ZSCAN30: variants seen among roughly 807,000 people sequenced by gnomAD.
The protein encoded by ZSCAN30 is zinc finger and SCAN domain containing 30.
Under a neutral mutation model 44.3 loss-of-function variants are expected in ZSCAN30, and 37 were observed. The ratio of observed to expected loss-of-function variants is 0.84; its 90% CI spans 0.64 to 1.10. The LOEUF is 1.10. Ranked by LOEUF, ZSCAN30 falls within the 50% of genes least tolerant of loss-of-function variation. ZSCAN30 has a pLI of 0.00. For missense variants in ZSCAN30, 549 were observed against 582.6 expected (o/e 0.94, Z 0.59); for synonymous variants, 181 against 204.6 (o/e 0.88, Z 0.98).
chr18:35,253,445 CAGAGTT>C lies in ZSCAN30; in HGVS notation c.1484_*4del, dbSNP rs1387603213. On this transcript the variant is annotated stop_lost and 3_prime_UTR_variant, in exon 4 of 4. Transcript: ENST00000333206. ...TTCACAATTGTACAACTCTTACCCA[CAGAGTT>C]AAACTCTGGTGTGTGTTCTCTGATG... is the stretch of plus-strand genomic sequence containing the variant. 4 of 1,551,862 alleles carry C rather than the reference CAGAGTT, an allele frequency of 2.6e-6. No individual in the cohort carries two copies. Among genetic ancestry groups the C allele is most frequent in the Non-Finnish European group, 3.5e-6 (4 of 1,148,208 alleles).
chr18:35,263,869 T>G, intron 2 of ZSCAN30, 76 bp downstream of exon 2: 8 of 1,519,814 alleles, frequency 5.3e-6, no homozygotes, highest in Non-Finnish European at 5.3e-6. Flanking sequence ...GAGAGCTGAG[T>G]CAATGCCCCA....
intron 1 of ZSCAN30, among the ~76,000 whole-genome samples, chr18:35,277,183 A>G (rs931748716): frequency 2.6e-5 from 4 of 152,236 alleles, no homozygotes; most frequent in African/African-American, 9.6e-5. Context: ...ATATCCAGGA[A>G]GTAACTAACT....
At chr18:35,257,904 C>A (rs757294046) in intron 3 of ZSCAN30, 1 of 781,072 alleles carries the variant, frequency 1.3e-6, no homozygotes, top group Non-Finnish European at 2.4e-6. Context: ...CCTTCCTAAT[C>A]CTGCTTCTCT....
intron 3 of ZSCAN30, chr18:35,258,291 G>A (rs1379198334): frequency 3.0e-6 from 1 of 329,836 alleles, no homozygotes; most frequent in Non-Finnish European, 5.7e-6. Flanking sequence ...CTAAGTCCAA[G>A]GACATTGGAG....
intron 1 of ZSCAN30, among the ~76,000 whole-genome samples, chr18:35,275,187 A>T (rs1865377): frequency 0.85 from 129,720 of 152,198 alleles, 56,040 homozygotes; most frequent in Non-Finnish European, 0.93. Context: ...TGTCCTTCTT[A>T]TCTATGCTGG....
At chr18:35,279,639 G>T (rs200589105) in intron 1 of ZSCAN30, among the ~76,000 whole-genome samples, 1 of 152,146 alleles carries the variant, frequency 6.6e-6, no homozygotes, top group East Asian at 1.9e-4. Context: ...GTCTGGAGAG[G>T]GTCTGCTTCC....
intron 1 of ZSCAN30, among the ~76,000 whole-genome samples, chr18:35,279,171 T>C (rs1294720757): frequency 6.6e-6 from 1 of 152,158 alleles, no homozygotes; most frequent in African/African-American, 2.4e-5. Context: ...CCACTTCTGG[T>C]ACCACAAACA....
rs2044631986 is a variant in ZSCAN30, at chr18:35,290,226, G to A, written c.-246C>T. The A allele has an allele frequency of 6.6e-6, 1 of 152,414 alleles. No homozygotes were observed. The highest frequency in any genetic ancestry group is 6.5e-5 in the Admixed American group (1 of 15,294). 9.4% of individuals were successfully genotyped at this position (152,414 alleles called of 1,614,324 possible). A position where few individuals can be genotyped will look rare whatever the true frequency, so the allele number is the denominator to read the frequency against. On this transcript the variant is annotated 5_prime_UTR_variant, in exon 1 of 4. Transcript: ENST00000333206. Reference sequence around the variant, plus strand: ...TAGGGACAGCTCGCGGCGGTTCGGGGGTTAATTCTCGGCAGCCCTCCGTCA... The same window carrying A: ...TAGGGACAGCTCGCGGCGGTTCGGGAGTTAATTCTCGGCAGCCCTCCGTCA...
chr18:35,272,488 GT>G (rs2044301193), intron 1 of ZSCAN30, among the ~76,000 whole-genome samples: 1 of 151,368 alleles, frequency 6.6e-6, no homozygotes, highest in Non-Finnish European at 1.5e-5. Flanking sequence ...TTACAGGTGT[GT>G]GTTACCACAC....
chr18:35,268,391 A>T (rs2044207264), intron 1 of ZSCAN30: 1 of 152,264 alleles, frequency 6.6e-6, no homozygotes, highest in Non-Finnish European at 1.5e-5. Context: ...GAATTTAGCA[A>T]AATGTAATAA....
At chr18:35,263,294 G>A in intron 3 of ZSCAN30, 1 of 514,856 alleles carries the variant, frequency 1.9e-6, no homozygotes, top group Non-Finnish European at 3.4e-6. Flanking sequence ...ATGGGTATTA[G>A]AGAATTTTAC....
intron 3 of ZSCAN30, chr18:35,258,544 G>A (rs974446899): frequency 6.5e-6 from 1 of 154,618 alleles, no homozygotes; most frequent in African/African-American, 2.4e-5. Flanking sequence ...ACAGAACACA[G>A]ATGGGATCAG....
intron 3 of ZSCAN30, chr18:35,260,671 C>G (rs958631635): frequency 2.0e-5 from 3 of 152,136 alleles, no homozygotes. Context: ...TTTGAGGTCT[C>G]TGTTCATGTC....
intron 3 of ZSCAN30, among the ~76,000 whole-genome samples, chr18:35,255,294 G>A (rs1405869476): frequency 1.3e-5 from 2 of 151,462 alleles, no homozygotes; most frequent in African/African-American, 2.4e-5. Flanking sequence ...GGCATATTAT[G>A]TCAGCCATCT....
At chr18:35,282,475 A>G (rs2044472596) in intron 1 of ZSCAN30, 1 of 149,894 alleles carries the variant, frequency 6.7e-6, no homozygotes, top group Non-Finnish European at 1.5e-5. Flanking sequence ...TCTTGCTTAA[A>G]GTGCACCAGT....
chr18:35,263,597 A>G lies in ZSCAN30; in HGVS notation c.469T>C (p.Ser157Pro). 1 of 1,614,170 alleles carries G rather than the reference A, an allele frequency of 6.2e-7. No individual in the cohort carries two copies. The highest frequency in any genetic ancestry group is 1.1e-5 in the South Asian group (1 of 91,082). ...QEMTSTGALK[S>P]LSLNSPVQPL... ...TGCACCGGGCTATTCAGAGACAGAG[A>G]CTTCAGTGCTCCTGTGGATGTCATT... The change falls in exon 3 of 4, where the codon TCT becomes CCT. Residue 157 changes from serine (S) to proline (P), a missense_variant. Transcript: ENST00000333206.
At chr18:35,265,049 G>A (rs1007262557) in intron 1 of ZSCAN30, among the ~76,000 whole-genome samples, 11 of 152,068 alleles carry the variant, frequency 7.2e-5, no homozygotes, top group Non-Finnish European at 1.5e-4. Flanking sequence ...GGGAGGCTGA[G>A]GCAGGAGAAT....
intron 1 of ZSCAN30, among the ~76,000 whole-genome samples, chr18:35,278,346 A>G (rs565174390): frequency 6.6e-6 from 1 of 152,272 alleles, no homozygotes; most frequent in African/African-American, 2.4e-5. Context: ...TTGTAATACC[A>G]GAAGTTGGAC....
intron 2 of ZSCAN30, 99 bp downstream of exon 2, chr18:35,263,844 ACT>A: frequency 6.8e-7 from 1 of 1,469,918 alleles, no homozygotes; most frequent in South Asian, 1.4e-5. Context: ...AAAGAAAGAA[ACT>A]GTATAATTCT....
Sources: allele counts gnomAD v4.1 joint callset (sites outside exome capture counted in the v4.1 genomes callset), GRCh38; gene constraint gnomAD v4.1.1; transcripts MANE v1.5; gene names NCBI Gene and HGNC (gene_info 2026-07-23, HGNC 2026-07-21).